Variants in ATP10B observed in about 807,000 individuals in gnomAD.
ATP10B encodes phospholipid-transporting ATPase VB.
A neutral mutation model predicts 141.2 loss-of-function variants in ATP10B; 122 were observed. That is an observed-to-expected ratio of 0.86 (90% CI 0.75 to 1.00). ATP10B has a LOEUF of 1.00. ATP10B is among the 50% of genes least tolerant of loss of function. ATP10B has a pLI of 0.00. For synonymous variants in ATP10B, 685 were observed against 692.0 expected (o/e 0.99, Z 0.16); for missense variants, 1,876 against 1,825.3 (o/e 1.03, Z -0.51).
chr5:160,923,560 G>A, the ATP10B span, among the ~76,000 whole-genome samples: 1 of 152,178 alleles, frequency 6.6e-6, no homozygotes, highest in Non-Finnish European at 1.5e-5. Context: ...TGCAACTGTG[G>A]AAAATGCATT....
chr5:160,670,556 A>G lies in ATP10B; in HGVS notation c.582T>C (p.Ser194=). ...CCAGATGGCATATCCCATTGGGGTCAGAGGAAAAAAGGAGGAGTATGTCTG... is the reference window on the plus strand; with the variant it reads ...CCAGATGGCATATCCCATTGGGGTCGGAGGAAAAAAGGAGGAGTATGTCTG... ...VPADILLLFS[S]DPNGICHLET... The change falls in exon 7 of 26, where the codon TCT becomes TCC. Residue 194 remains serine (S), a synonymous_variant. Transcript: ENST00000327245. 1.9e-6 allele frequency: 3 copies of G among 1,614,016 alleles called. No homozygotes were observed. Among genetic ancestry groups the G allele is most frequent in the Non-Finnish European group, 2.5e-6 (3 of 1,179,952 alleles).
In ATP10B at chr5:160,799,993, T is replaced by A. The variant is rs144553038; in HGVS notation, c.-575-14190A>T. Among the ~76,000 whole-genome samples the A allele has an allele frequency of 8.4e-4, 128 of 152,344 alleles. 1 individual carries two copies. In the East Asian group the frequency reaches 0.014, roughly 17 times the overall value. On this transcript the variant is annotated intron_variant, in intron 1 of 25. Transcript: ENST00000327245. ...TTACTGAACCAAATGTTGCATATTC[T>A]TCATATCATTTAAGAAGGAAAATGG...
intron 10 of ATP10B, among the ~76,000 whole-genome samples, chr5:160,639,657 T>A (rs1413987893): frequency 1.3e-5 from 2 of 152,144 alleles, no homozygotes; most frequent in African/African-American, 4.8e-5. Flanking sequence ...AACGCAGTGG[T>A]CTGCAACATT....
rs1491211233 is a variant in ATP10B, at chr5:160,652,887, A to AC, written c.676-3632_676-3631insG. Among the ~76,000 whole-genome samples, 121 of 34,864 alleles carry AC rather than the reference A, an allele frequency of 3.5e-3. 6 individuals are homozygous for AC. Among genetic ancestry groups the AC allele is most frequent in the African/African-American group, 0.014 (110 of 8,132 alleles). The allele number at this position is 34,864 out of a possible 152,430, so 22.9% of individuals were successfully genotyped here. A position where few individuals can be genotyped will look rare whatever the true frequency, so the allele number is the denominator to read the frequency against. On this transcript the variant is annotated intron_variant, in intron 7 of 25. Coordinates refer to ENST00000327245, the MANE Select transcript of ATP10B (RefSeq NM_025153.3). ...TATATAATATATATAATATATATAT[A>AC]ATTATATAATATATTATATATACAT...
chr5:160,582,041 C>G (rs996469787), intron 24 of ATP10B, among the ~76,000 whole-genome samples: 1 of 152,100 alleles, frequency 6.6e-6, no homozygotes, highest in Non-Finnish European at 1.5e-5. Context: ...CTATGTGTGT[C>G]TTTGCATATG....
intron 1 of ATP10B, among the ~76,000 whole-genome samples, chr5:160,828,160 C>T (rs1017550253): frequency 6.6e-6 from 1 of 152,112 alleles, no homozygotes; most frequent in East Asian, 1.9e-4. Flanking sequence ...GCAAGGACTT[C>T]ATGTCTAAAA....
chr5:160,744,665 G>A (rs1303530383), intron 2 of ATP10B, among the ~76,000 whole-genome samples: 1 of 152,216 alleles, frequency 6.6e-6, no homozygotes. Context: ...TTTAGGCTTT[G>A]AGGCAGACAT....
chr5:160,846,191 T>C (rs1455348448), intron 1 of ATP10B, among the ~76,000 whole-genome samples: 1 of 152,112 alleles, frequency 6.6e-6, no homozygotes, highest in Non-Finnish European at 1.5e-5. Context: ...GCATTGAAAA[T>C]AGGTATTTAG....
intron 7 of ATP10B, among the ~76,000 whole-genome samples, chr5:160,662,736 G>C (rs904506800): frequency 6.6e-6 from 1 of 152,162 alleles, no homozygotes; most frequent in African/African-American, 2.4e-5. Flanking sequence ...ATAGGCATGG[G>C]CAAGGACTTC....
At chr5:160,592,279 AG>A (rs980490610) in intron 22 of ATP10B, among the ~76,000 whole-genome samples, 8 of 152,312 alleles carry the variant, frequency 5.3e-5, no homozygotes, top group African/African-American at 1.9e-4. Flanking sequence ...ATAAATCCCA[AG>A]GGTTCTCAAA....
At chr5:160,848,346 G>A (rs1324373994) in intron 1 of ATP10B, among the ~76,000 whole-genome samples, 1 of 152,166 alleles carries the variant, frequency 6.6e-6, no homozygotes, top group African/African-American at 2.4e-5. Flanking sequence ...TTTCTATGAT[G>A]TTGGTATCAC....
At chr5:160,845,900 G>T (rs917056836) in intron 1 of ATP10B, among the ~76,000 whole-genome samples, 2 of 152,082 alleles carry the variant, frequency 1.3e-5, no homozygotes, top group African/African-American at 4.8e-5. Flanking sequence ...GGTACACGCT[G>T]ATGTCTTTTC....
chr5:160,664,991 C>T (rs1762238097), intron 7 of ATP10B, among the ~76,000 whole-genome samples: 1 of 152,130 alleles, frequency 6.6e-6, no homozygotes, highest in African/African-American at 2.4e-5. Flanking sequence ...CGTTTGAATT[C>T]TCTAATAAAG....
At chr5:160,785,531 C>A (rs777475608) in intron 2 of ATP10B, 28 bp downstream of exon 2, 1 of 523,920 alleles carries the variant, frequency 1.9e-6, no homozygotes, top group South Asian at 1.5e-5. Context: ...TTCTAATGAC[C>A]CCACTGCCCA....
rs538537053 is a variant in ATP10B, at chr5:160,774,313, C to G, written c.-331+11246G>C. 5.3e-5 allele frequency among the ~76,000 whole-genome samples: 8 copies of G among 152,300 alleles called. No individual in the cohort carries two copies. The South Asian group carries it at 1.5e-3, about 28-fold the overall frequency. ...GCAGCCTCCAGGCGTTATCACATTT[C>G]CCCCGGAGAAGCAGCTGAAATCTAA... On this transcript the variant is annotated intron_variant, in intron 2 of 25. Coordinates refer to ENST00000327245, the MANE Select transcript of ATP10B (RefSeq NM_025153.3).
intron 3 of ATP10B, among the ~76,000 whole-genome samples, chr5:160,703,027 T>C (rs60500355): frequency 0.011 from 1,690 of 152,236 alleles, 32 homozygotes; most frequent in African/African-American, 0.039. Context: ...ACTGTTGGGG[T>C]CAACTAGAAG....
At chr5:160,798,399 T>C (rs1772112218) in intron 1 of ATP10B, among the ~76,000 whole-genome samples, 1 of 152,158 alleles carries the variant, frequency 6.6e-6, no homozygotes. Flanking sequence ...CCTAACCCAA[T>C]GACTTGTGAC....
At chr5:160,905,992 A>G in the ATP10B span, among the ~76,000 whole-genome samples, 1 of 152,142 alleles carries the variant, frequency 6.6e-6, no homozygotes, top group East Asian at 1.9e-4. Flanking sequence ...GAGACCTGCC[A>G]ATGCCCTTTT....
the ATP10B span, among the ~76,000 whole-genome samples, chr5:160,860,330 G>A: frequency 6.6e-6 from 1 of 151,898 alleles, no homozygotes; most frequent in South Asian, 2.1e-4. Context: ...TACAGAATTA[G>A]AGAATATCTA....
Sources: gnomAD v4.1 joint callset for allele counts (sites outside exome capture counted in the v4.1 genomes callset) on GRCh38, gnomAD v4.1.1 for gene constraint, MANE v1.5 for transcripts, NCBI Gene and HGNC (gene_info 2026-07-23, HGNC 2026-07-21) for gene names.